EYS: variants seen among roughly 807,000 people sequenced by gnomAD.
EYS encodes protein eyes shut homolog.
In EYS, 250 loss-of-function variants were observed where a neutral mutation model predicts 282.1. That is an observed-to-expected ratio of 0.89 (90% CI 0.80 to 0.98). EYS has a LOEUF of 0.98. EYS is among the 50% of genes least tolerant of loss of function. The probability of loss-of-function intolerance (pLI) is 0.00; values close to 1 mark genes in which losing one functional copy is unlikely to be tolerated. For missense variants in EYS, 4,016 were observed against 3,709.0 expected (o/e 1.08, Z -2.15); for synonymous variants, 1,355 against 1,282.9 (o/e 1.06, Z -1.20).
intron 30 of EYS, among the ~76,000 whole-genome samples, chr6:64,291,717 C>T (rs1768714368): frequency 6.6e-6 from 1 of 151,964 alleles, no homozygotes; most frequent in Admixed American, 6.6e-5. Context: ...GTGTCTTTGT[C>T]TCTATTTTCT....
chr6:64,183,997 T>A (rs1266472490), intron 31 of EYS, among the ~76,000 whole-genome samples: 4 of 152,162 alleles, frequency 2.6e-5, no homozygotes, highest in African/African-American at 9.7e-5. Context: ...CCATCTTAGA[T>A]CAGAGCTTTT....
intron 31 of EYS, among the ~76,000 whole-genome samples, chr6:64,094,644 T>C (rs555781328): frequency 6.6e-6 from 1 of 152,324 alleles, no homozygotes; most frequent in East Asian, 1.9e-4. Context: ...GATTCTTCTC[T>C]ATTTTCTTCT....
At chr6:64,715,027 C>T (rs540564844) in intron 22 of EYS, among the ~76,000 whole-genome samples, 2 of 151,524 alleles carry the variant, frequency 1.3e-5, no homozygotes, top group South Asian at 4.2e-4. Context: ...AGCAGCAGTC[C>T]CCAGTTTTTT....
rs144356925 is a variant in EYS at position 63,815,400 on chromosome 6, G to T, written c.7229-9028C>A. On this transcript the variant is annotated intron_variant, in intron 36 of 42. Transcript: ENST00000503581. ...TCTATGTTACCTACCTCACTATGATGGTTGGGATACTCATGACATTGGCCA... is the reference window on the plus strand; with the variant it reads ...TCTATGTTACCTACCTCACTATGATTGTTGGGATACTCATGACATTGGCCA... Among the ~76,000 whole-genome samples, 63 of 152,256 alleles carry T rather than the reference G, an allele frequency of 4.1e-4. 1 individual carries two copies. Among genetic ancestry groups the T allele is most frequent in the African/African-American group, 1.5e-3 (61 of 41,556 alleles).
chr6:63,798,963 G>GTATATATATATA (rs1231377496), intron 37 of EYS, among the ~76,000 whole-genome samples: 1 of 110,910 alleles, frequency 9.0e-6, no homozygotes, highest in Non-Finnish European at 1.8e-5. Flanking sequence ...ATGTATATGT[G>GTATATATATATA]TATATATATA....
chr6:63,840,232 A>ATTG (rs746900910), intron 36 of EYS, among the ~76,000 whole-genome samples: 3,385 of 137,950 alleles, frequency 0.025, 76 homozygotes, highest in South Asian at 0.097. Context: ...TATTATTATT[A>ATTG]TTATTGTATT....
intron 8 of EYS, among the ~76,000 whole-genome samples, chr6:65,381,976 C>T (rs1330774181): frequency 6.6e-6 from 1 of 151,818 alleles, no homozygotes; most frequent in Non-Finnish European, 1.5e-5. Flanking sequence ...CATTTTGTTT[C>T]AATAAAGACA....
chr6:64,540,140 T>C (rs930993770), intron 26 of EYS, among the ~76,000 whole-genome samples: 2 of 152,208 alleles, frequency 1.3e-5, no homozygotes, highest in Non-Finnish European at 2.9e-5. Flanking sequence ...AAAAAGCTGC[T>C]GTCAGCTGCC....
At chr6:65,513,043 C>T (rs1190226732) in intron 2 of EYS, among the ~76,000 whole-genome samples, 1 of 151,910 alleles carries the variant, frequency 6.6e-6, no homozygotes, top group Non-Finnish European at 1.5e-5. Context: ...AGACCGCTAG[C>T]AAGACTAATA....
intron 35 of EYS, among the ~76,000 whole-genome samples, chr6:63,948,139 G>A (rs1334494103): frequency 6.6e-6 from 1 of 152,142 alleles, no homozygotes; most frequent in Non-Finnish European, 1.5e-5. Context: ...AAAATGAAAA[G>A]ATCTTGCTTT....
intron 26 of EYS, among the ~76,000 whole-genome samples, chr6:64,546,047 T>C (rs960934807): frequency 7.9e-5 from 12 of 152,064 alleles, no homozygotes; most frequent in African/African-American, 2.9e-4. Flanking sequence ...GAAACAAAAA[T>C]GAGCCCGCAT....
intron 29 of EYS, among the ~76,000 whole-genome samples, chr6:64,331,714 AT>A (rs1770654219): frequency 6.6e-6 from 1 of 152,082 alleles, no homozygotes; most frequent in Non-Finnish European, 1.5e-5. Flanking sequence ...CGCTCAAGCC[AT>A]TTGTGAGCAA....
At chr6:63,763,689 T>C (rs1769707165) in intron 40 of EYS, among the ~76,000 whole-genome samples, 2 of 151,774 alleles carry the variant, frequency 1.3e-5, no homozygotes, top group South Asian at 2.1e-4. Context: ...TCCACCATGA[T>C]GTAAGTTTTC....
At chr6:64,555,620 T>TA (rs1181171581) in intron 26 of EYS, among the ~76,000 whole-genome samples, 2 of 151,628 alleles carry the variant, frequency 1.3e-5, no homozygotes, top group African/African-American at 2.4e-5. Context: ...ATTTGTAATA[T>TA]AAAAAATAAA....
chr6:65,567,766 G>T (rs1243761636), intron 2 of EYS, among the ~76,000 whole-genome samples: 1 of 152,064 alleles, frequency 6.6e-6, no homozygotes, highest in Non-Finnish European at 1.5e-5. Flanking sequence ...GTTTTAACCA[G>T]TTTCTTTTCT....
chr6:65,642,067 A>C (rs1767294730), intron 1 of EYS, among the ~76,000 whole-genome samples: 1 of 152,206 alleles, frequency 6.6e-6, no homozygotes, highest in African/African-American at 2.4e-5. Flanking sequence ...TATTTTATCC[A>C]TAACTGAATA....
At chr6:65,010,310 G>A (rs1335817180) in intron 13 of EYS, among the ~76,000 whole-genome samples, 1 of 152,186 alleles carries the variant, frequency 6.6e-6, no homozygotes, top group Non-Finnish European at 1.5e-5. Flanking sequence ...ATCTTACTGT[G>A]TGGACATCCA....
intron 12 of EYS, among the ~76,000 whole-genome samples, chr6:65,186,441 T>C (rs974656443): frequency 6.6e-6 from 1 of 151,732 alleles, no homozygotes; most frequent in Non-Finnish European, 1.5e-5. Flanking sequence ...CTGAGTCTAT[T>C]GGTTTTAAAC....
At chr6:64,077,816 G>A (rs1276821336) in intron 32 of EYS, among the ~76,000 whole-genome samples, 1 of 151,886 alleles carries the variant, frequency 6.6e-6, no homozygotes, top group Middle Eastern at 3.2e-3. Context: ...AATTTTGTGT[G>A]GTCTCATCCC....
Sources: allele counts gnomAD v4.1 joint callset (sites outside exome capture counted in the v4.1 genomes callset), GRCh38; gene constraint gnomAD v4.1.1; transcripts MANE v1.5; gene names NCBI Gene and HGNC (gene_info 2026-07-23, HGNC 2026-07-21).